The following ADCY7 variants were observed in gnomAD, a reference collection of about 807,000 sequenced individuals.
The protein encoded by ADCY7 is adenylate cyclase type 7.
ADCY7 carries 72 observed loss-of-function variants against 120.6 expected under a neutral mutation model. The observed-to-expected ratio is 0.60, with a 90% confidence interval of 0.49 to 0.73. The LOEUF is 0.73. ADCY7 is among the 30% of genes least tolerant of loss of function. The pLI is 0.00. For missense variants in ADCY7, 1,227 were observed against 1,486.0 expected (o/e 0.83, Z 2.87); for synonymous variants, 661 against 628.0 (o/e 1.05, Z -0.78).
chr16:50,271,555 A>G (rs7193737), intron 1 of ADCY7, among the ~76,000 whole-genome samples: 1 of 152,132 alleles, frequency 6.6e-6, no homozygotes, highest in Non-Finnish European at 1.5e-5. Flanking sequence ...GTTCTAGAGC[A>G]CAGCCATCTG....
rs917956194 is a variant in ADCY7 at position 50,315,679 on chromosome 16, C to T, written c.*174C>T. On this transcript the variant is annotated 3_prime_UTR_variant, in exon 26 of 26. Transcript: ENST00000673801. ...CAGACACATGCACCAGATTCTGGCTCGAAGCAGCCACTGAGCCATAATGCG... is the reference window on the plus strand; with the variant it reads ...CAGACACATGCACCAGATTCTGGCTTGAAGCAGCCACTGAGCCATAATGCG... 13 of 793,916 alleles carry T rather than the reference C, an allele frequency of 1.6e-5. No individual in the cohort carries two copies. Among genetic ancestry groups the T allele is most frequent in the Middle Eastern group, 7.6e-4 (2 of 2,622 alleles). 49.2% of individuals were successfully genotyped at this position (793,916 alleles called of 1,614,324 possible).
Position 50,313,044 on chromosome 16 carries a change from C to T in ADCY7, c.2751+8C>T. The T allele has an allele frequency of 1.2e-6, 2 of 1,614,048 alleles. No individual in the cohort carries two copies. Among genetic ancestry groups the T allele is most frequent in the Non-Finnish European group, 1.7e-6 (2 of 1,179,936 alleles). The stretch of plus-strand genomic sequence containing the variant: ...ATTGCCGACTTCGACGAGGTACAGC[C>T]TCTAGCCCAGCCTTGCGCAGCAGCC... On this transcript the variant is annotated splice_region_variant and intron_variant, in intron 22 of 25. Coordinates refer to ENST00000673801, the MANE Select transcript of ADCY7 (RefSeq NM_001114.5).
Position 50,290,548 on chromosome 16 carries a change from T to C in ADCY7, c.263T>C (p.Leu88Pro), listed in dbSNP as rs2034881240. 1 of 1,614,068 alleles carries C rather than the reference T, an allele frequency of 6.2e-7. No individual in the cohort carries two copies. The highest frequency in any genetic ancestry group is 1.3e-5 in the African/African-American group (1 of 74,940). Residue 88 changes from leucine to proline, a missense_variant, in exon 3 of 26, where the codon CTC becomes CCC. Transcript: ENST00000673801. ...ALSVLMYVECLLRRWLRALAL... is the reference protein window; with the variant it reads ...ALSVLMYVECPLRRWLRALAL... The stretch of plus-strand genomic sequence containing the variant: ...TCTGTGCTGATGTACGTCGAGTGTC[T>C]CCTGCGGCGCTGGCTCAGGGCCTTG...
Position 50,305,867 on chromosome 16 carries a change from C to T in ADCY7, c.1752+18C>T, listed in dbSNP as rs758205955. 1 of 1,612,702 alleles carries T rather than the reference C, an allele frequency of 6.2e-7. No individual in the cohort carries two copies. The highest frequency in any genetic ancestry group is 8.5e-7 in the Non-Finnish European group (1 of 1,179,328). ...AGCGCGAGGTGAGGGCCCCCAGCAGCCTCCTCCGCAGAGGGACGGGGTCTC... is the reference window on the plus strand; with the variant it reads ...AGCGCGAGGTGAGGGCCCCCAGCAGTCTCCTCCGCAGAGGGACGGGGTCTC... On this transcript the variant is annotated intron_variant, in intron 14 of 25. Coordinates refer to ENST00000673801, the MANE Select transcript of ADCY7 (RefSeq NM_001114.5).
At position 50,304,847 on chromosome 16, in the gene ADCY7, C is replaced by T. The variant is rs897557655; in HGVS notation, c.1561-78C>T. The T allele has an allele frequency of 1.3e-5, 20 of 1,589,460 alleles. No homozygotes were observed. The East Asian group carries it at 2.7e-4, about 21-fold the overall frequency. ...TCCTGTGTATCAAGTGCCGGAGGGGCTGAACCTGGCCCAGCAGTGGCCTTC... is the reference window on the plus strand; with the variant it reads ...TCCTGTGTATCAAGTGCCGGAGGGGTTGAACCTGGCCCAGCAGTGGCCTTC... On this transcript the variant is annotated intron_variant, in intron 11 of 25. Transcript: ENST00000673801.
At position 50,308,393 on chromosome 16, in the gene ADCY7, C is replaced by A; in HGVS notation, c.1917C>A (p.Cys639Ter). Residue 639 changes from cysteine to a stop codon, truncating the protein, a stop_gained, in exon 16 of 26, where the codon TGC (cysteine) becomes TGA (stop). Transcript: ENST00000673801. LOFTEE classifies it high-confidence loss of function. ...ACVLGLVLGL[C>*]FATKFSRCCP... ...TACTGGGGCTGGTGCTGGGCCTGTG[C>A]TTTGCCACCAAGTTCTCGGTAAGTG... is the stretch of plus-strand genomic sequence containing the variant. 1 of 1,613,966 alleles carries A rather than the reference C, an allele frequency of 6.2e-7. No homozygotes were observed.
At chr16:50,311,562 C>A in intron 19 of ADCY7, 131 bp from the exon 20 acceptor site, 2 of 509,806 alleles carry the variant, frequency 3.9e-6, no homozygotes, top group African/African-American at 2.0e-5. Flanking sequence ...CCAAAGTTGT[C>A]TTGTTTTCTA....
In ADCY7 at chr16:50,297,365, A is replaced by G. The variant is rs1189070307; in HGVS notation, c.949-1539A>G. ...GTCAGCCGGTGGAGCAGCCGGGGGAATGTGGCCTCTCCTACATCCCCGAGA... is the reference window on the plus strand; with the variant it reads ...GTCAGCCGGTGGAGCAGCCGGGGGAGTGTGGCCTCTCCTACATCCCCGAGA... On this transcript the variant is annotated intron_variant, in intron 7 of 25. Coordinates refer to ENST00000673801, the MANE Select transcript of ADCY7 (RefSeq NM_001114.5). The surrounding 1 kb of genome is among the most constrained non-coding windows in gnomAD (Gnocchi z 4.4). 6.6e-6 allele frequency among the ~76,000 whole-genome samples: 1 copy of G among 152,158 alleles called. No individual in the cohort carries two copies. The highest frequency in any genetic ancestry group is 1.5e-5 in the Non-Finnish European group (1 of 68,008).
intron 1 of ADCY7, among the ~76,000 whole-genome samples, chr16:50,252,789 C>T (rs905092539): frequency 1.3e-5 from 2 of 152,102 alleles, no homozygotes; most frequent in Non-Finnish European, 1.5e-5. Flanking sequence ...AAATGGTTTT[C>T]ATTTTTTAAA....
intron 24 of ADCY7, 134 bp from the exon 25 acceptor site, chr16:50,314,880 G>A: frequency 7.7e-7 from 1 of 1,292,742 alleles, no homozygotes; most frequent in Non-Finnish European, 1.1e-6. Flanking sequence ...GTGACTCTGG[G>A]AAGCAACCCA....
At chr16:50,284,062 T>G (rs1365676288) in intron 1 of ADCY7, among the ~76,000 whole-genome samples, 1 of 152,064 alleles carries the variant, frequency 6.6e-6, no homozygotes, top group East Asian at 1.9e-4. Flanking sequence ...GTGGAAGAAC[T>G]GGTGATTGGA....
chr16:50,272,481 C>A (rs1233392519), intron 1 of ADCY7, among the ~76,000 whole-genome samples: 4 of 152,198 alleles, frequency 2.6e-5, no homozygotes, highest in Non-Finnish European at 5.9e-5. Context: ...AAGCCTAGCA[C>A]CCTGGGATGC....
chr16:50,251,387 G>T (rs2032752088), intron 1 of ADCY7, among the ~76,000 whole-genome samples: 1 of 152,124 alleles, frequency 6.6e-6, no homozygotes, highest in African/African-American at 2.4e-5. Flanking sequence ...GTTATCTTTA[G>T]TATGGGCAAC....
At chr16:50,272,058 C>T (rs549731192) in intron 1 of ADCY7, among the ~76,000 whole-genome samples, 2 of 152,314 alleles carry the variant, frequency 1.3e-5, no homozygotes, top group African/African-American at 2.4e-5. Flanking sequence ...CAGGTACCCC[C>T]GTTTCCAGTT....
chr16:50,251,522 G>A (rs1044408748), intron 1 of ADCY7, among the ~76,000 whole-genome samples: 1 of 152,240 alleles, frequency 6.6e-6, no homozygotes, highest in Non-Finnish European at 1.5e-5. Flanking sequence ...GGCCAGGGCC[G>A]TGGGAGGAGG....
intron 14 of ADCY7, among the ~76,000 whole-genome samples, chr16:50,306,244 G>A (rs1328622098): frequency 2.0e-5 from 3 of 152,148 alleles, no homozygotes; most frequent in Admixed American, 1.3e-4. Flanking sequence ...TACTGATAAC[G>A]ACCATTTCTT....
chr16:50,304,878 C>A (rs1243842950), intron 11 of ADCY7, 47 bp from the exon 12 acceptor site: 2 of 1,612,988 alleles, frequency 1.2e-6, no homozygotes, highest in Non-Finnish European at 1.7e-6. Flanking sequence ...CCTTCAGGGC[C>A]CAGTGTTCTG....
In ADCY7 at chr16:50,278,280, A is replaced by G. The variant is rs1028468229; in HGVS notation, c.-268-9632A>G. Among the ~76,000 whole-genome samples the G allele has an allele frequency of 2.6e-5, 4 of 152,268 alleles. No homozygotes were observed. The South Asian group carries it at 6.2e-4, about 24-fold the overall frequency. ...GGTCTCGAACTCCTGGCCTCATGTG[A>G]TCTGCCTGACTCAGCCTACCTAAGT... On this transcript the variant is annotated intron_variant, in intron 1 of 25. Transcript: ENST00000673801.
chr16:50,276,494 C>T (rs1414068315), intron 1 of ADCY7, among the ~76,000 whole-genome samples: 1 of 152,240 alleles, frequency 6.6e-6, no homozygotes, highest in Non-Finnish European at 1.5e-5. Flanking sequence ...TGAATCCTTT[C>T]AAAATCCTGT....
Sources: allele counts gnomAD v4.1 joint callset (sites outside exome capture counted in the v4.1 genomes callset), GRCh38; gene constraint gnomAD v4.1.1; non-coding constraint Gnocchi (gnomAD v3.1); transcripts MANE v1.5; gene names NCBI Gene and HGNC (gene_info 2026-07-23, HGNC 2026-07-21).